ATXN7L1: variants seen among roughly 807,000 people sequenced by gnomAD.
The protein encoded by ATXN7L1 is ataxin-7-like protein 1.
Under a neutral mutation model 70.8 loss-of-function variants are expected in ATXN7L1, and 15 were observed. That is an observed-to-expected ratio of 0.21 (90% CI 0.14 to 0.33). The LOEUF is 0.33. Among genes scored for constraint, ATXN7L1 ranks in the 10% least tolerant of loss-of-function variants. ATXN7L1 has a pLI of 1.00. For synonymous variants in ATXN7L1, 440 were observed against 445.1 expected, an observed-to-expected ratio of 0.99 and a Z score of 0.14; for missense variants, 975 against 1,097.1, an observed-to-expected ratio of 0.89 and a Z score of 1.57.
At chr7:105,712,203 C>A (rs761276119) in intron 3 of ATXN7L1, among the ~76,000 whole-genome samples, 42 of 152,330 alleles carry the variant, frequency 2.8e-4, no homozygotes, top group Non-Finnish European at 4.4e-4. Flanking sequence ...CTGAGCCTGG[C>A]CCACAAAACC....
intron 3 of ATXN7L1, among the ~76,000 whole-genome samples, chr7:105,688,685 C>T (rs566605826): frequency 1.3e-5 from 2 of 152,296 alleles, no homozygotes; most frequent in East Asian, 3.9e-4. Flanking sequence ...TTCTATTGCA[C>T]CAAAAGCCCA....
At chr7:105,709,780 C>T (rs11771950) in intron 3 of ATXN7L1, among the ~76,000 whole-genome samples, 13,423 of 152,214 alleles carry the variant, frequency 0.088, 711 homozygotes, top group Non-Finnish European at 0.12. Context: ...GTGCCCCCTT[C>T]TCTTGGGAAG....
At chr7:105,731,748 A>AAAAGAAAAGAAAAGAAAAG (rs1554443678) in intron 3 of ATXN7L1, among the ~76,000 whole-genome samples, 1 of 106,964 alleles carries the variant, frequency 9.3e-6, no homozygotes, top group African/African-American at 4.4e-5. Flanking sequence ...CTTACTCCTT[A>AAAAGAAAAGAAAAGAAAAG]AAAAGAAAAG....
chr7:105,682,082 G>A (rs1487381499), intron 3 of ATXN7L1, among the ~76,000 whole-genome samples: 3 of 152,020 alleles, frequency 2.0e-5, no homozygotes, highest in African/African-American at 7.2e-5. Flanking sequence ...AAAATTAGCT[G>A]GGCGTGGTGG....
At chr7:105,700,790 T>C (rs1431226909) in intron 3 of ATXN7L1, among the ~76,000 whole-genome samples, 1 of 151,998 alleles carries the variant, frequency 6.6e-6, no homozygotes, top group East Asian at 1.9e-4. Context: ...CAAGTGATCC[T>C]CCCACCCCAG....
intron 3 of ATXN7L1, among the ~76,000 whole-genome samples, chr7:105,719,434 T>C (rs1240828770): frequency 6.6e-6 from 1 of 152,178 alleles, no homozygotes; most frequent in Non-Finnish European, 1.5e-5. Flanking sequence ...GGTTTCCTTA[T>C]AGAAATTTCC....
At chr7:105,796,345 A>G (rs1322825244) in intron 2 of ATXN7L1, among the ~76,000 whole-genome samples, 3 of 152,200 alleles carry the variant, frequency 2.0e-5, no homozygotes, top group Non-Finnish European at 4.4e-5. Context: ...CTGGCAACAC[A>G]GCAAGACTCT....
chr7:105,829,829 C>A (rs997589095), intron 2 of ATXN7L1, among the ~76,000 whole-genome samples: 1 of 152,180 alleles, frequency 6.6e-6, no homozygotes, highest in Non-Finnish European at 1.5e-5. Flanking sequence ...GATGTTACTA[C>A]GACCTTACAG....
chr7:105,701,818 C>T (rs1792495167), intron 3 of ATXN7L1, among the ~76,000 whole-genome samples: 2 of 152,224 alleles, frequency 1.3e-5, no homozygotes, highest in South Asian at 4.1e-4. Flanking sequence ...GATCCTCCTG[C>T]CTCAGCCTCC....
intron 3 of ATXN7L1, among the ~76,000 whole-genome samples, chr7:105,718,956 C>G (rs1794880338): frequency 6.6e-6 from 1 of 152,160 alleles, no homozygotes; most frequent in Admixed American, 6.5e-5. Context: ...ACATCACAAA[C>G]AGGTGATGAA....
chr7:105,835,129 T>A (rs1023241505), intron 2 of ATXN7L1, among the ~76,000 whole-genome samples: 19 of 147,444 alleles, frequency 1.3e-4, no homozygotes, highest in Middle Eastern at 7.1e-3. Context: ...TTTTTTTTTT[T>A]AATAATTTAT....
intron 7 of ATXN7L1, among the ~76,000 whole-genome samples, chr7:105,625,270 C>T (rs118182113): frequency 0.011 from 1,675 of 152,158 alleles, 17 homozygotes; most frequent in South Asian, 0.021. Flanking sequence ...TGTTTGTTTA[C>T]GAAACACTCT....
intron 2 of ATXN7L1, among the ~76,000 whole-genome samples, chr7:105,874,706 G>C (rs1224470100): frequency 2.0e-5 from 3 of 152,172 alleles, no homozygotes; most frequent in African/African-American, 7.2e-5. Context: ...GGATGGTCAG[G>C]AAATGATTGG....
At chr7:105,801,259 TCACCAGACCTTGA>T in intron 2 of ATXN7L1, among the ~76,000 whole-genome samples, 1 of 152,256 alleles carries the variant, frequency 6.6e-6, no homozygotes, top group Non-Finnish European at 1.5e-5. Context: ...CTGTTAAAAG[TCACCAGACCTTGA>T]ACTTCCAGGC....
At chr7:105,792,674 C>T (rs903030966) in intron 2 of ATXN7L1, among the ~76,000 whole-genome samples, 7 of 152,212 alleles carry the variant, frequency 4.6e-5, no homozygotes, top group African/African-American at 1.2e-4. Context: ...TCATACATGT[C>T]GTTTTCCAAT....
intron 2 of ATXN7L1, among the ~76,000 whole-genome samples, chr7:105,804,080 C>A (rs1807214601): frequency 6.6e-6 from 1 of 152,194 alleles, no homozygotes; most frequent in African/African-American, 2.4e-5. Context: ...AGCCAGGATG[C>A]CTCCACCTGG....
chr7:105,647,647 A>G (rs1025613910), intron 4 of ATXN7L1, among the ~76,000 whole-genome samples: 3 of 152,256 alleles, frequency 2.0e-5, no homozygotes, highest in African/African-American at 7.2e-5. Flanking sequence ...CTCCGTCTCA[A>G]AAACAAACAA....
intron 3 of ATXN7L1, among the ~76,000 whole-genome samples, chr7:105,787,827 T>C (rs943709665): frequency 6.6e-6 from 1 of 152,178 alleles, no homozygotes; most frequent in African/African-American, 2.4e-5. Context: ...ATAAAAAGAT[T>C]GGGAGATACT....
In ATXN7L1 at chr7:105,840,574, C is replaced by G. The variant is rs1585126782; in HGVS notation, c.250+35238G>C. ...CAGAATCTGAGCAACACCCCGGCTC[C>G]CAGCTCTGTTGTATCTTCTCCAGAT... On this transcript the variant is annotated intron_variant, in intron 2 of 11. Coordinates refer to ENST00000419735, the MANE Select transcript of ATXN7L1 (RefSeq NM_020725.2). Among the ~76,000 whole-genome samples the G allele has an allele frequency of 2.0e-5, 3 of 152,268 alleles. No homozygotes were observed. The South Asian group carries it at 6.2e-4, about 32-fold the overall frequency.
Sources: allele counts gnomAD v4.1 joint callset (sites outside exome capture counted in the v4.1 genomes callset), GRCh38; gene constraint gnomAD v4.1.1; transcripts MANE v1.5; gene names NCBI Gene and HGNC (gene_info 2026-07-23, HGNC 2026-07-21).